COMMD10: variants seen among roughly 807,000 people sequenced by gnomAD.
The protein encoded by COMMD10 is COMM domain containing 10, also known as COMM domain-containing protein 10.
COMMD10 carries 33 observed loss-of-function variants against 28.9 expected under a neutral mutation model. The observed-to-expected ratio is 1.14, with a 90% CI of 0.87 to 1.53. The LOEUF (loss-of-function observed/expected upper bound fraction) is 1.53. Ranked by LOEUF, COMMD10 falls within the 40% of genes most tolerant of loss-of-function variation. The pLI, the probability that COMMD10 is intolerant of heterozygous loss-of-function variation, is 0.00. For missense variants in COMMD10, 310 were observed against 233.4 expected (o/e 1.33, Z -2.14); for synonymous variants, 110 against 81.7 (o/e 1.35, Z -1.87).
intron 5 of COMMD10, among the ~76,000 whole-genome samples, chr5:116,155,035 A>C (rs1035316119): frequency 4.6e-5 from 7 of 152,124 alleles, no homozygotes; most frequent in African/African-American, 1.4e-4. Context: ...CTCAGAATAC[A>C]TTTATGTATC....
At chr5:116,127,172 A>T (rs1023476764) in intron 4 of COMMD10, among the ~76,000 whole-genome samples, 8 of 152,252 alleles carry the variant, frequency 5.3e-5, no homozygotes, top group African/African-American at 1.7e-4. Context: ...GACACATGAA[A>T]AAATGTTCAT....
intron 2 of COMMD10, among the ~76,000 whole-genome samples, chr5:116,088,036 C>T (rs926744205): frequency 2.0e-5 from 3 of 152,092 alleles, no homozygotes; most frequent in Non-Finnish European, 2.9e-5. Context: ...TTTTGTTTCT[C>T]TTTCACTTTT....
chr5:116,096,522 C>T (rs1031862067), intron 4 of COMMD10, among the ~76,000 whole-genome samples: 13 of 152,110 alleles, frequency 8.5e-5, no homozygotes, highest in Non-Finnish European at 1.5e-4. Context: ...AAGGCAGTCA[C>T]GTTGTCTGTG....
chr5:116,245,084 T>C (rs1340436476), intron 5 of COMMD10, among the ~76,000 whole-genome samples: 2 of 151,400 alleles, frequency 1.3e-5, no homozygotes, highest in Admixed American at 6.6e-5. Context: ...CATAGATCAC[T>C]AGCTAGACTA....
chr5:116,205,495 G>A (rs1040682094), intron 5 of COMMD10, among the ~76,000 whole-genome samples: 2 of 152,000 alleles, frequency 1.3e-5, no homozygotes, highest in African/African-American at 4.8e-5. Flanking sequence ...CTTCCTTTCA[G>A]TTACGGGATT....
Position 116,270,694 on chromosome 5 carries a change from T to G in COMMD10, c.511-20823T>G, listed in dbSNP as rs528311706. Among the ~76,000 whole-genome samples the G allele has an allele frequency of 4.5e-4, 68 of 151,916 alleles. 1 individual carries two copies. The highest frequency in any genetic ancestry group is 1.0e-4 in the Non-Finnish European group (7 of 68,004). On this transcript the variant is annotated intron_variant, in intron 5 of 6. Coordinates refer to ENST00000274458, the MANE Select transcript of COMMD10 (RefSeq NM_016144.4). ...GCTCACACCTGTAATCCCAGCACTT[T>G]GGGAGGCCGAGGTGGATGGATCAGC...
chr5:116,086,198 C>G (rs371254046), intron 1 of COMMD10, among the ~76,000 whole-genome samples: 1 of 152,206 alleles, frequency 6.6e-6, no homozygotes, highest in South Asian at 2.1e-4. Context: ...GAGGACATTT[C>G]TTGTCATAGC....
intron 5 of COMMD10, among the ~76,000 whole-genome samples, chr5:116,185,887 A>G (rs754642791): frequency 8.5e-5 from 13 of 152,178 alleles, no homozygotes; most frequent in African/African-American, 1.7e-4. Flanking sequence ...AGTGTCTGCA[A>G]GTTCTTTTCC....
At chr5:116,262,614 A>G (rs139722605) in intron 5 of COMMD10, among the ~76,000 whole-genome samples, 1 of 151,930 alleles carries the variant, frequency 6.6e-6, no homozygotes, top group African/African-American at 2.4e-5. Context: ...TATAAAAGTG[A>G]ATTATTTTGT....
At chr5:116,201,002 G>A (rs1748651170) in intron 5 of COMMD10, among the ~76,000 whole-genome samples, 1 of 152,166 alleles carries the variant, frequency 6.6e-6, no homozygotes. Flanking sequence ...TAGTAAGCCT[G>A]TGCCTCTTGA....
Position 116,134,067 on chromosome 5 carries a change from G to C in COMMD10, c.400-1G>C, listed in dbSNP as rs768465408. 1.3e-6 allele frequency: 2 copies of C among 1,554,882 alleles called. No individual in the cohort carries two copies. Among genetic ancestry groups the C allele is most frequent in the Non-Finnish European group, 1.8e-6 (2 of 1,124,958 alleles). On this transcript the variant is annotated splice_acceptor_variant, in intron 4 of 6. Transcript: ENST00000274458. LOFTEE classifies it high-confidence loss of function. ...TTCCAATCTGCACCTGTCTTTTATA[G>C]CTAGAGACCGTTGGATGGCAGCTTA...
At chr5:116,175,726 A>G (rs1417880293) in intron 5 of COMMD10, among the ~76,000 whole-genome samples, 1 of 152,188 alleles carries the variant, frequency 6.6e-6, no homozygotes, top group Non-Finnish European at 1.5e-5. Flanking sequence ...ACGTTGCAAC[A>G]TGGATGAAAC....
chr5:116,263,262 A>G (rs1223265497), intron 5 of COMMD10, among the ~76,000 whole-genome samples: 1 of 151,922 alleles, frequency 6.6e-6, no homozygotes, highest in South Asian at 2.1e-4. Flanking sequence ...CCAAATTCCT[A>G]CATAAGGGAT....
intron 5 of COMMD10, among the ~76,000 whole-genome samples, chr5:116,287,345 G>A (rs997259571): frequency 1.3e-5 from 2 of 151,596 alleles, no homozygotes; most frequent in African/African-American, 2.4e-5. Flanking sequence ...TTTGTGTCTT[G>A]TAATGGTTTT....
chr5:116,181,821 C>T (rs2112597316), intron 5 of COMMD10, among the ~76,000 whole-genome samples: 1 of 152,154 alleles, frequency 6.6e-6, no homozygotes, highest in East Asian at 1.9e-4. Flanking sequence ...AATTGGCCAA[C>T]ATCTCAGCAT....
At chr5:116,262,369 G>A (rs991335452) in intron 5 of COMMD10, among the ~76,000 whole-genome samples, 5 of 151,652 alleles carry the variant, frequency 3.3e-5, no homozygotes, top group African/African-American at 1.2e-4. Flanking sequence ...TAAATTTAAA[G>A]AGAGCAGTCA....
At chr5:116,162,646 C>T (rs181670414) in intron 5 of COMMD10, among the ~76,000 whole-genome samples, 13 of 152,188 alleles carry the variant, frequency 8.5e-5, no homozygotes, top group Admixed American at 5.9e-4. Context: ...TGGTTGAAAA[C>T]GTTAAATTGT....
chr5:116,086,120 A>G (rs1008075543), intron 1 of COMMD10, among the ~76,000 whole-genome samples: 3 of 152,094 alleles, frequency 2.0e-5, no homozygotes, highest in African/African-American at 7.2e-5. Context: ...TACTTGGTGT[A>G]CTCCCTATGT....
Position 116,182,519 on chromosome 5 carries a change from CTT to C in COMMD10, c.510+48343_510+48344del, listed in dbSNP as rs371151968. Among the ~76,000 whole-genome samples, 126 of 151,972 alleles carry C rather than the reference CTT, an allele frequency of 8.3e-4. No homozygotes were observed. In the East Asian group the frequency reaches 0.021, roughly 25 times the overall value. ...TTAAAGTGAGAAATCAAAGAAGAAA[CTT>C]TGTTGCTGAGACATTTAGACTATTT... is the stretch of plus-strand genomic sequence containing the variant. On this transcript the variant is annotated intron_variant, in intron 5 of 6. Transcript: ENST00000274458.
Sources: gnomAD v4.1 joint callset for allele counts (sites outside exome capture counted in the v4.1 genomes callset) on GRCh38, gnomAD v4.1.1 for gene constraint, MANE v1.5 for transcripts, NCBI Gene and HGNC (gene_info 2026-07-23, HGNC 2026-07-21) for gene names.